The following AFF1 variants were observed in gnomAD, a reference collection of about 807,000 sequenced individuals.
AFF1 encodes the protein ALF transcription elongation factor 1, also known as AF4/FMR2 family member 1.
In AFF1, 48 loss-of-function variants were observed where a neutral mutation model predicts 121.7. That is an observed-to-expected ratio of 0.39 (90% CI 0.31 to 0.50). The LOEUF is 0.50. Among genes scored for constraint, AFF1 ranks in the 20% least tolerant of loss-of-function variants. The pLI, the probability that AFF1 is intolerant of heterozygous loss-of-function variation, is 0.76. For synonymous variants in AFF1, 613 were observed against 563.0 expected (o/e 1.09, Z -1.26); for missense variants, 1,523 against 1,511.7 (o/e 1.01, Z -0.12).
chr4:87,074,190 A>G (rs1031707126), intron 4 of AFF1, among the ~76,000 whole-genome samples: 2 of 152,186 alleles, frequency 1.3e-5, no homozygotes, highest in Non-Finnish European at 2.9e-5. Context: ...TTTCGTGAGC[A>G]GAATTGGTTG....
intron 4 of AFF1, among the ~76,000 whole-genome samples, chr4:87,075,833 A>G (rs1480449739): frequency 5.0e-4 from 76 of 152,146 alleles, no homozygotes. Context: ...GCTTCCCAGG[A>G]AAGAGATTGG....
intron 2 of AFF1, among the ~76,000 whole-genome samples, chr4:86,999,722 A>G (rs1394304249): frequency 6.6e-6 from 1 of 152,240 alleles, no homozygotes; most frequent in Non-Finnish European, 1.5e-5. Context: ...GTGAGCAGAA[A>G]GAATTGTAAA....
chr4:87,013,680 T>C (rs1727023696), intron 2 of AFF1, among the ~76,000 whole-genome samples: 1 of 151,886 alleles, frequency 6.6e-6, no homozygotes, highest in African/African-American at 2.4e-5. Context: ...TTTTTTTTTT[T>C]TTTTAAGTAT....
At chr4:87,112,312 G>A (rs1578273777) in intron 11 of AFF1, among the ~76,000 whole-genome samples, 2 of 152,318 alleles carry the variant, frequency 1.3e-5, no homozygotes, top group African/African-American at 4.8e-5. Flanking sequence ...CCACATAATA[G>A]TGGTTTCCTT....
chr4:87,087,277 C>T (rs756763896), intron 5 of AFF1, among the ~76,000 whole-genome samples: 4 of 152,240 alleles, frequency 2.6e-5, no homozygotes, highest in Non-Finnish European at 5.9e-5. Flanking sequence ...AGAGTGCTTG[C>T]TTTCATGGAG....
chr4:87,036,573 T>C (rs765869356), intron 2 of AFF1, among the ~76,000 whole-genome samples: 10 of 152,220 alleles, frequency 6.6e-5, no homozygotes, highest in Non-Finnish European at 1.5e-4. Flanking sequence ...GCTACTTTTC[T>C]GTTGGAGCTA....
At chr4:87,030,770 C>T (rs781051133) in intron 2 of AFF1, among the ~76,000 whole-genome samples, 1 of 139,486 alleles carries the variant, frequency 7.2e-6, no homozygotes, top group African/African-American at 3.4e-5. Flanking sequence ...TTAGGCCAGA[C>T]TTCACAGCAA....
Position 87,114,427 on chromosome 4 carries a change from C to A in AFF1, c.1594C>A (p.Pro532Thr). ...LDNWLTKVSQ[P>T]AAPPEGPRST... ...CAACTGGCTGACCAAAGTCAGCCAG[C>A]CAGCTGCGCCACCAGAGGGCCCCAG... The change falls in exon 12 of 21, where the codon CCA (proline) becomes ACA (threonine). Residue 532 changes from proline (P) to threonine (T), a missense_variant. By Grantham distance (38) the Pro-to-Thr change is conservative. This residue lies in a region of AFF1 where 905 missense variants were observed against 842.5 expected (regional missense o/e 1.07). Transcript: ENST00000395146. The A allele has an allele frequency of 6.2e-7, 1 of 1,610,434 alleles. No individual in the cohort carries two copies.
intron 2 of AFF1, among the ~76,000 whole-genome samples, chr4:87,004,508 A>C (rs1725947915): frequency 6.6e-6 from 1 of 152,226 alleles, no homozygotes; most frequent in African/African-American, 2.4e-5. Flanking sequence ...CATTCATGCA[A>C]ATCTCTTTAC....
At chr4:87,082,213 T>C (rs1042416107) in intron 4 of AFF1, among the ~76,000 whole-genome samples, 4 of 152,190 alleles carry the variant, frequency 2.6e-5, no homozygotes, top group African/African-American at 7.2e-5. Flanking sequence ...CCTTCGACTT[T>C]TAATTGTTAT....
chr4:86,942,269 C>T (rs1720519757), intron 1 of AFF1, among the ~76,000 whole-genome samples: 1 of 152,130 alleles, frequency 6.6e-6, no homozygotes, highest in Admixed American at 6.5e-5. Context: ...TTTTACCAGC[C>T]CACAGGGAAT....
chr4:87,026,456 A>C (rs1483177186), intron 2 of AFF1, among the ~76,000 whole-genome samples: 1 of 152,096 alleles, frequency 6.6e-6, no homozygotes, highest in Non-Finnish European at 1.5e-5. Context: ...ATCGTGTGGC[A>C]TGTTGCTGAG....
chr4:87,000,603 CTCTG>C (rs1316192897), intron 2 of AFF1, among the ~76,000 whole-genome samples: 266 of 76,806 alleles, frequency 3.5e-3, no homozygotes, highest in Admixed American at 5.8e-3. Flanking sequence ...AAAAAATAAA[CTCTG>C]TGTGTGTGTG....
intron 4 of AFF1, among the ~76,000 whole-genome samples, chr4:87,076,215 A>G (rs888047051): frequency 1.3e-5 from 2 of 152,082 alleles, no homozygotes; most frequent in Non-Finnish European, 2.9e-5. Context: ...TTGGGAGATA[A>G]CTGTAGGTGA....
Position 87,046,266 on chromosome 4 carries a change from C to G in AFF1, c.139C>G (p.Leu47Val). The change falls in exon 3 of 21, where the codon CTT becomes GTT. Residue 47 changes from leucine to valine, a missense_variant. By Grantham distance (32) the Leu-to-Val change is conservative (BLOSUM62 1). This residue lies in a region of AFF1 where 369 missense variants were observed against 367.2 expected (regional missense o/e 1.00). Coordinates refer to ENST00000395146, the MANE Select transcript of AFF1 (RefSeq NM_001166693.3). ...AGAGGCATTTCCTGAAAAGATTCCC[C>G]TTTTTGGAGAGCCCTACAAGGTATT... Reference protein sequence around the residue: ...EKEAFPEKIPLFGEPYKTAKG... With the variant: ...EKEAFPEKIPVFGEPYKTAKG... 1 of 1,613,520 alleles carries G rather than the reference C, an allele frequency of 6.2e-7. No individual in the cohort carries two copies. The highest frequency in any genetic ancestry group is 1.3e-5 in the African/African-American group (1 of 74,868).
chr4:87,051,177 G>A (rs1443121021), intron 4 of AFF1, among the ~76,000 whole-genome samples: 1 of 152,118 alleles, frequency 6.6e-6, no homozygotes, highest in Non-Finnish European at 1.5e-5. Context: ...CCTTCATTTT[G>A]CAAAAAGTTG....
At chr4:87,034,205 T>G (rs1214209728) in intron 2 of AFF1, among the ~76,000 whole-genome samples, 1 of 152,176 alleles carries the variant, frequency 6.6e-6, no homozygotes, top group Admixed American at 6.5e-5. Flanking sequence ...GGATTAGCGA[T>G]GCACAGCTTG....
At chr4:87,092,715 T>G (rs1295701392) in intron 7 of AFF1, among the ~76,000 whole-genome samples, 1 of 152,186 alleles carries the variant, frequency 6.6e-6, no homozygotes, top group African/African-American at 2.4e-5. Context: ...AGATACTGAA[T>G]AAGATCTTGC....
At chr4:87,026,826 G>A (rs775215208) in intron 2 of AFF1, among the ~76,000 whole-genome samples, 1 of 152,080 alleles carries the variant, frequency 6.6e-6, no homozygotes, top group African/African-American at 2.4e-5. Flanking sequence ...TGGTTCTCTC[G>A]TATTTTATAT....
Sources: allele counts gnomAD v4.1 joint callset (sites outside exome capture counted in the v4.1 genomes callset), GRCh38; gene constraint gnomAD v4.1.1; regional missense constraint gnomAD v4.1.1; transcripts MANE v1.5; gene names NCBI Gene and HGNC (gene_info 2026-07-23, HGNC 2026-07-21).